Variants in CEP112 observed in about 807,000 individuals in gnomAD.
The protein encoded by CEP112 is centrosomal protein of 112 kDa.
A neutral mutation model predicts 153.0 loss-of-function variants in CEP112; 127 were observed. The observed-to-expected ratio is 0.83, with a 90% CI of 0.72 to 0.96. The LOEUF (loss-of-function observed/expected upper bound fraction) is 0.96. CEP112 is among the 40% of genes least tolerant of loss of function. The pLI is 0.00. For missense variants in CEP112, 1,089 were observed against 1,101.2 expected (o/e 0.99, Z 0.16); for synonymous variants, 358 against 374.4 (o/e 0.96, Z 0.51).
intron 17 of CEP112, among the ~76,000 whole-genome samples, chr17:65,971,071 G>T (rs955944120): frequency 3.3e-5 from 5 of 152,298 alleles, no homozygotes; most frequent in African/African-American, 1.2e-4. Flanking sequence ...ATACATGCAT[G>T]TCACATGTCT....
intron 24 of CEP112, among the ~76,000 whole-genome samples, chr17:65,662,059 C>A (rs1028809748): frequency 1.3e-5 from 2 of 152,140 alleles, no homozygotes; most frequent in African/African-American, 4.8e-5. Flanking sequence ...GCCTCAACTT[C>A]ATGGGCTCAG....
chr17:65,752,627 C>T (rs1443570298), intron 21 of CEP112, among the ~76,000 whole-genome samples: 1 of 152,322 alleles, frequency 6.6e-6, no homozygotes, highest in East Asian at 1.9e-4. Flanking sequence ...GTCCCAAATG[C>T]AGACTTTCAA....
chr17:66,150,477 T>C (rs946960563), intron 4 of CEP112, among the ~76,000 whole-genome samples: 4 of 152,014 alleles, frequency 2.6e-5, no homozygotes, highest in Admixed American at 2.6e-4. Context: ...GCGATCTGCC[T>C]GCCTCATCCT....
intron 21 of CEP112, among the ~76,000 whole-genome samples, chr17:65,825,608 C>T (rs962960301): frequency 3.3e-5 from 5 of 152,048 alleles, no homozygotes; most frequent in African/African-American, 7.3e-5. Flanking sequence ...ATTCTCGAGA[C>T]GGATCGTGGT....
At chr17:65,650,110 T>A (rs2045664326) in intron 24 of CEP112, among the ~76,000 whole-genome samples, 1 of 152,248 alleles carries the variant, frequency 6.6e-6, no homozygotes, top group African/African-American at 2.4e-5. Context: ...CATTCACCAA[T>A]GCCCTGTGCT....
chr17:66,087,401 T>C (rs2067979588), intron 8 of CEP112, among the ~76,000 whole-genome samples: 1 of 152,152 alleles, frequency 6.6e-6, no homozygotes, highest in Non-Finnish European at 1.5e-5. Context: ...GAAAAAATAG[T>C]TGGGAATGAC....
intron 3 of CEP112, among the ~76,000 whole-genome samples, chr17:66,176,327 T>C (rs1379353667): frequency 9.9e-5 from 15 of 152,218 alleles, no homozygotes; most frequent in Non-Finnish European, 4.4e-5. Flanking sequence ...CCAAGCATAA[T>C]AATAACTGCC....
At chr17:66,042,973 T>G (rs2066048333) in intron 12 of CEP112, 1 of 390,568 alleles carries the variant, frequency 2.6e-6, no homozygotes, top group Non-Finnish European at 3.5e-6. Flanking sequence ...AAAATCAAAT[T>G]CTAGCTATCT....
In CEP112 at chr17:65,648,448, C is replaced by T. The variant is rs79083706; in HGVS notation, c.2698-7383G>A. ...ATGGCAATAGACTGCCCACTTTTCC[C>T]TCCAAGGCACGGCACTGACACTATG... On this transcript the variant is annotated intron_variant, in intron 24 of 26. Coordinates refer to ENST00000535342, the MANE Select transcript of CEP112 (RefSeq NM_001199165.4). Among the ~76,000 whole-genome samples the T allele has an allele frequency of 3.8e-3, 572 of 152,326 alleles. 3 individuals carry two copies. The highest frequency in any genetic ancestry group is 0.013 in the African/African-American group (550 of 41,574).
Position 65,711,032 on chromosome 17 carries a change from G to A in CEP112, c.2608-21814C>T, listed in dbSNP as rs9906437. Among the ~76,000 whole-genome samples the A allele has an allele frequency of 3.3e-3, 509 of 152,318 alleles. 3 individuals carry two copies. The highest frequency in any genetic ancestry group is 0.012 in the African/African-American group (492 of 41,556). On this transcript the variant is annotated intron_variant, in intron 23 of 26. Coordinates refer to ENST00000535342, the MANE Select transcript of CEP112 (RefSeq NM_001199165.4). ...GGTGAGACAGCATGGCTCGTTGGTG[G>A]CGACGAGTGGGTGGCGAACTGGAGC...
chr17:66,184,528 A>G (rs1352625688), intron 1 of CEP112, among the ~76,000 whole-genome samples: 1 of 152,224 alleles, frequency 6.6e-6, no homozygotes, highest in Non-Finnish European at 1.5e-5. Flanking sequence ...AAGATGCTCA[A>G]TATCATTACA....
intron 21 of CEP112, among the ~76,000 whole-genome samples, chr17:65,769,481 AG>A (rs1160452208): frequency 1.3e-5 from 2 of 152,238 alleles, no homozygotes; most frequent in East Asian, 3.9e-4. Flanking sequence ...AGAAAAATAA[AG>A]TTGGAGGCAT....
intron 17 of CEP112, among the ~76,000 whole-genome samples, chr17:66,000,444 G>A (rs1280731856): frequency 6.9e-6 from 1 of 145,146 alleles, no homozygotes; most frequent in Non-Finnish European, 1.5e-5. Context: ...TGAGGCAGCT[G>A]CTTTCTCCTT....
At position 65,729,828 on chromosome 17, in the gene CEP112, G is replaced by A. The variant is rs148162514; in HGVS notation, c.2607+13240C>T. ...GGTTGGGGTCTGTGGAGGGAGGATC[G>A]CTTGAGCCCAGGAGTTGGAGGCTGC... On this transcript the variant is annotated intron_variant, in intron 23 of 26. Transcript: ENST00000535342. 2.2e-3 allele frequency among the ~76,000 whole-genome samples: 333 copies of A among 152,228 alleles called. 2 individuals carry two copies. The highest frequency in any genetic ancestry group is 7.8e-3 in the African/African-American group (322 of 41,536).
intron 4 of CEP112, among the ~76,000 whole-genome samples, chr17:66,142,401 G>A (rs1461676016): frequency 6.6e-6 from 1 of 152,008 alleles, no homozygotes; most frequent in Admixed American, 6.6e-5. Flanking sequence ...TATGTTTTGG[G>A]GTTATATCTA....
intron 21 of CEP112, among the ~76,000 whole-genome samples, chr17:65,827,641 CAG>C (rs544893466): frequency 2.8e-4 from 43 of 152,262 alleles, no homozygotes; most frequent in African/African-American, 9.4e-4. Context: ...TCTCATTACT[CAG>C]AGTTAAAGTC....
intron 23 of CEP112, among the ~76,000 whole-genome samples, chr17:65,735,133 G>C (rs1005610624): frequency 6.6e-6 from 1 of 152,026 alleles, no homozygotes; most frequent in South Asian, 2.1e-4. Context: ...TCACAGTGGT[G>C]GTATTAGTTT....
chr17:65,990,072 G>T (rs552159454), intron 17 of CEP112, among the ~76,000 whole-genome samples: 1 of 152,090 alleles, frequency 6.6e-6, no homozygotes, highest in South Asian at 2.1e-4. Flanking sequence ...TACCACCAAA[G>T]AAAATCATGT....
chr17:66,054,094 T>C (rs994528101), intron 11 of CEP112, among the ~76,000 whole-genome samples: 2 of 152,168 alleles, frequency 1.3e-5, no homozygotes, highest in Non-Finnish European at 2.9e-5. Flanking sequence ...TTTCCTGAAT[T>C]GAAAATTTTA....
Sources: gnomAD v4.1 joint callset for allele counts (sites outside exome capture counted in the v4.1 genomes callset) on GRCh38, gnomAD v4.1.1 for gene constraint, MANE v1.5 for transcripts, NCBI Gene and HGNC (gene_info 2026-07-23, HGNC 2026-07-21) for gene names.